The following CYREN variants were observed in gnomAD, a reference collection of about 807,000 sequenced individuals.
The protein encoded by CYREN is cell cycle regulator of non-homologous end joining.
CYREN carries 7 observed loss-of-function variants against 9.7 expected under a neutral mutation model. That is an observed-to-expected ratio of 0.72 (90% CI 0.41 to 1.36). CYREN has a LOEUF of 1.36. Ranked by LOEUF, CYREN falls within the 40% of genes most tolerant of loss-of-function variation. The pLI, the probability that CYREN is intolerant of heterozygous loss-of-function variation, is 0.01. For synonymous variants in CYREN, 76 were observed against 77.9 expected (o/e 0.98, Z 0.13); for missense variants, 215 against 198.1 (o/e 1.09, Z -0.51).
chr7:135,118,914 T>C (rs948482119), intron 2 of CYREN, among the ~76,000 whole-genome samples: 3 of 151,868 alleles, frequency 2.0e-5, no homozygotes, highest in African/African-American at 7.3e-5. Context: ...ATTGTACAAA[T>C]AGAGGAAAGA....
chr7:135,099,750 A>G (rs1393194574), intron 2 of CYREN, among the ~76,000 whole-genome samples: 1 of 152,152 alleles, frequency 6.6e-6, no homozygotes. Flanking sequence ...AGTTTTATAC[A>G]CAGTGCCCCA....
upstream of CYREN, among the ~76,000 whole-genome samples, chr7:135,171,328 A>T (rs74525236): frequency 0.2 from 493 of 2,514 alleles, 1 homozygote; most frequent in Middle Eastern, 0.5. Context: ...TTTTTTTTTA[A>T]AAAAAAAAGG....
rs184042364 is a variant in CYREN, at chr7:135,116,295, C to T, written n.357-21713G>A. On this transcript the variant is annotated intron_variant and non_coding_transcript_variant, in intron 2 of 2. Transcript: ENST00000459937. ...GAATCTGGAGTCAAATCCACCTAGACATTCTGACTACAGAGTCCTCCTGAA... is the reference window on the plus strand; with the variant it reads ...GAATCTGGAGTCAAATCCACCTAGATATTCTGACTACAGAGTCCTCCTGAA... Among the ~76,000 whole-genome samples the T allele has an allele frequency of 4.6e-5, 7 of 152,316 alleles. No homozygotes were observed. In the East Asian group the frequency reaches 1.3e-3, roughly 29 times the overall value.
chr7:135,144,257 A>G (rs1829503334), intron 2 of CYREN, among the ~76,000 whole-genome samples: 1 of 152,184 alleles, frequency 6.6e-6, no homozygotes, highest in African/African-American at 2.4e-5. Flanking sequence ...TACGCCACTC[A>G]GGACCATGCT....
intron 2 of CYREN, among the ~76,000 whole-genome samples, chr7:135,105,546 G>A (rs1824568182): frequency 6.6e-6 from 1 of 152,204 alleles, no homozygotes; most frequent in Admixed American, 6.5e-5. Flanking sequence ...GGTTGTAGAT[G>A]TGCAGCCTTA....
rs1414268351 is a variant in CYREN at position 135,105,072 on chromosome 7, T to TTG, written n.357-10491_357-10490insCA. Among the ~76,000 whole-genome samples the TTG allele has an allele frequency of 8.8e-5, 13 of 147,344 alleles. No homozygotes were observed. The South Asian group carries it at 2.2e-3, about 24-fold the overall frequency. Reference sequence around the variant, plus strand: ...ATAGTTTTGGGTTTTACATTCAAGTTTTTTTTTTTTTTTTTGAGATGGAGT... The same window carrying TTG: ...ATAGTTTTGGGTTTTACATTCAAGTTTGTTTTTTTTTTTTTTTGAGATGGAGT... On this transcript the variant is annotated intron_variant and non_coding_transcript_variant, in intron 2 of 2. Transcript: ENST00000459937.
intron 2 of CYREN, among the ~76,000 whole-genome samples, chr7:135,106,165 G>A (rs1824682439): frequency 6.6e-6 from 1 of 152,006 alleles, no homozygotes; most frequent in Non-Finnish European, 1.5e-5. Flanking sequence ...GAATCATGTT[G>A]TCTGCAAACA....
At chr7:135,160,256 G>A (rs1157609994) in intron 2 of CYREN, among the ~76,000 whole-genome samples, 1 of 152,166 alleles carries the variant, frequency 6.6e-6, no homozygotes, top group African/African-American at 2.4e-5. Flanking sequence ...CCTACAATCA[G>A]CATGTGTTAT....
intron 2 of CYREN, among the ~76,000 whole-genome samples, chr7:135,095,898 T>A (rs943840617): frequency 6.6e-6 from 1 of 152,176 alleles, no homozygotes; most frequent in African/African-American, 2.4e-5. Flanking sequence ...ACGCCTGTAA[T>A]CCCAGCACTT....
chr7:135,152,429 T>A (rs1180719103), intron 2 of CYREN, among the ~76,000 whole-genome samples: 1 of 152,264 alleles, frequency 6.6e-6, no homozygotes, highest in Non-Finnish European at 1.5e-5. Flanking sequence ...ACAGGCTCCA[T>A]CATTCACTGG....
At chr7:135,162,383 GCT>G (rs1006316102), downstream of CYREN, among the ~76,000 whole-genome samples, 6 of 152,214 alleles carry the variant, frequency 3.9e-5, no homozygotes, top group Non-Finnish European at 8.8e-5. Flanking sequence ...AAAGCTTGAA[GCT>G]CTGTGTTCCT....
intron 2 of CYREN, among the ~76,000 whole-genome samples, chr7:135,101,571 C>T (rs1823833157): frequency 6.6e-6 from 1 of 152,112 alleles, no homozygotes; most frequent in South Asian, 2.1e-4. Flanking sequence ...CCACCACCCG[C>T]CAAGAAAATA....
chr7:135,166,519 C>T lies in CYREN; in HGVS notation c.*92G>A, dbSNP rs1381593371. On this transcript the variant is annotated 3_prime_UTR_variant, in exon 4 of 4. Transcript: ENST00000393114. ...ACAAAGGTAGGAGCACAGAGAGCCCCATTCCCACAGGCGGGCGGCCCAGCA... is the reference window on the plus strand; with the variant it reads ...ACAAAGGTAGGAGCACAGAGAGCCCTATTCCCACAGGCGGGCGGCCCAGCA... 14 of 1,505,092 alleles carry T rather than the reference C, an allele frequency of 9.3e-6. No individual in the cohort carries two copies. In the East Asian group the frequency reaches 2.3e-4, roughly 24 times the overall value. 93.2% of individuals were successfully genotyped at this position (1,505,092 alleles called of 1,614,324 possible). A position where few individuals can be genotyped will look rare whatever the true frequency, so the allele number is the denominator to read the frequency against.
intron 2 of CYREN, among the ~76,000 whole-genome samples, chr7:135,108,418 C>G (rs1282253117): frequency 6.6e-6 from 1 of 152,188 alleles, no homozygotes; most frequent in East Asian, 1.9e-4. Context: ...TGAACTCCCT[C>G]AGCATTGGCT....
intron 2 of CYREN, among the ~76,000 whole-genome samples, chr7:135,117,770 G>T (rs946666630): frequency 6.6e-6 from 1 of 152,128 alleles, no homozygotes; most frequent in Non-Finnish European, 1.5e-5. Flanking sequence ...ACTTTTGGGG[G>T]TGTCTACCTC....
At chr7:135,164,693 G>T (rs968124667), downstream of CYREN, 3 of 1,614,188 alleles carry the variant, frequency 1.9e-6, no homozygotes, top group Non-Finnish European at 2.5e-6. Flanking sequence ...GCCTGGCCAG[G>T]CTTGGCGTGT....
intron 2 of CYREN, among the ~76,000 whole-genome samples, chr7:135,155,540 AC>A (rs1367650924): frequency 6.6e-6 from 1 of 152,134 alleles, no homozygotes; most frequent in Non-Finnish European, 1.5e-5. Flanking sequence ...GTGAATATCA[AC>A]CTTTTGGCTG....
intron 2 of CYREN, among the ~76,000 whole-genome samples, chr7:135,101,503 A>C (rs1176594983): frequency 3.3e-5 from 5 of 152,318 alleles, no homozygotes. Context: ...GCCTTAAAAA[A>C]AAAACTTAAT....
intron 2 of CYREN, among the ~76,000 whole-genome samples, chr7:135,152,287 C>T (rs1389418952): frequency 6.6e-6 from 1 of 152,240 alleles, no homozygotes; most frequent in Non-Finnish European, 1.5e-5. Flanking sequence ...ACACTGTCTT[C>T]ACTACGTCAA....
Sources: gnomAD v4.1 joint callset for allele counts (sites outside exome capture counted in the v4.1 genomes callset) on GRCh38, gnomAD v4.1.1 for gene constraint, MANE v1.5 for transcripts, NCBI Gene and HGNC (gene_info 2026-07-23, HGNC 2026-07-21) for gene names.